SPIN1: variants seen among roughly 807,000 people sequenced by gnomAD.
The protein encoded by SPIN1 is spindlin-1.
Under a neutral mutation model 26.0 loss-of-function variants are expected in SPIN1, and 3 were observed. The ratio of observed to expected loss-of-function variants is 0.12; its 90% CI spans 0.05 to 0.30. The LOEUF (loss-of-function observed/expected upper bound fraction) is 0.30. SPIN1 is among the 10% of genes least tolerant of loss of function. SPIN1 has a pLI of 1.00. For missense variants in SPIN1, 126 were observed against 333.4 expected, an observed-to-expected ratio of 0.38 and a Z score of 4.84; for synonymous variants, 101 against 116.5, an observed-to-expected ratio of 0.87 and a Z score of 0.86.
intron 3 of SPIN1, among the ~76,000 whole-genome samples, chr9:88,453,373 T>C (rs9785311): frequency 0.33 from 49,930 of 152,040 alleles, 15,418 homozygotes; most frequent in African/African-American, 0.82. Flanking sequence ...AGCATCAATT[T>C]GGCACTTGGG....
chr9:88,460,032 C>T (rs952181467), intron 3 of SPIN1, among the ~76,000 whole-genome samples: 5 of 152,094 alleles, frequency 3.3e-5, no homozygotes, highest in East Asian at 1.9e-4. Flanking sequence ...CTTTAAAATT[C>T]GTTTATTTGA....
rs1446931485 is a variant in SPIN1, at chr9:88,395,310, C to A, written c.-159+6772C>A. ...TAAGCATATGTGTATATTTTTGTTT[C>A]CCTTTCCTACACAATAGGCAGCGTT... On this transcript the variant is annotated intron_variant, in intron 1 of 5. Transcript: ENST00000375859. 3.3e-5 allele frequency among the ~76,000 whole-genome samples: 5 copies of A among 151,644 alleles called. No individual in the cohort carries two copies. The Admixed American group carries it at 3.3e-4, about 10-fold the overall frequency.
At chr9:88,466,583 C>T (rs1020668786) in intron 4 of SPIN1, among the ~76,000 whole-genome samples, 17 of 152,006 alleles carry the variant, frequency 1.1e-4, no homozygotes, top group South Asian at 4.2e-4. Context: ...ATTATTACTG[C>T]GTACTTAAAA....
intron 4 of SPIN1, among the ~76,000 whole-genome samples, chr9:88,463,667 T>C (rs1156266768): frequency 1.3e-5 from 2 of 152,230 alleles, no homozygotes; most frequent in African/African-American, 4.8e-5. Flanking sequence ...TATTTTGTTT[T>C]ACTCTTCTCT....
At chr9:88,474,273 G>C (rs1828846980) in intron 5 of SPIN1, among the ~76,000 whole-genome samples, 1 of 152,144 alleles carries the variant, frequency 6.6e-6, no homozygotes, top group Admixed American at 6.5e-5. Context: ...TAATTGCCTA[G>C]CAAACCCCCT....
chr9:88,429,563 A>G (rs1461522408), intron 2 of SPIN1, among the ~76,000 whole-genome samples: 2 of 152,188 alleles, frequency 1.3e-5, no homozygotes, highest in East Asian at 3.8e-4. Flanking sequence ...GAACAGCCAG[A>G]TGGAAGAAGG....
chr9:88,396,236 C>T (rs1827054914), intron 1 of SPIN1, among the ~76,000 whole-genome samples: 1 of 149,606 alleles, frequency 6.7e-6, no homozygotes. Flanking sequence ...GAGACTCCAT[C>T]TCAAAAAAAA....
intron 1 of SPIN1, among the ~76,000 whole-genome samples, chr9:88,409,047 G>A (rs1459853682): frequency 6.6e-6 from 1 of 150,616 alleles, no homozygotes. Context: ...CCAGGCTGGA[G>A]TGCAATGGCG....
chr9:88,461,691 A>G lies in SPIN1; in HGVS notation c.102-805A>G, dbSNP rs540346995. On this transcript the variant is annotated intron_variant, in intron 3 of 5. Coordinates refer to ENST00000375859, the MANE Select transcript of SPIN1 (RefSeq NM_006717.3). ...TTCTTGGCGTATATCAGCATCTGTT[A>G]TCTTGGTTTTGACCTTCAGCTTGCA... Among the ~76,000 whole-genome samples, 12 of 152,256 alleles carry G rather than the reference A, an allele frequency of 7.9e-5. No homozygotes were observed. The South Asian group carries it at 1.9e-3, about 24-fold the overall frequency.
At chr9:88,418,431 T>C (rs1449423223) in intron 1 of SPIN1, among the ~76,000 whole-genome samples, 4 of 152,242 alleles carry the variant, frequency 2.6e-5, no homozygotes, top group Non-Finnish European at 5.9e-5. Flanking sequence ...GGTAACAGTT[T>C]TAAGACAACT....
chr9:88,441,414 T>TGTGTGTGCGTGTGTGTGTGTGTGTGTGC lies in SPIN1; in HGVS notation c.53-7526_53-7525insTGTGTGCGTGTGTGTGTGTGTGTGTGCG. Among the ~76,000 whole-genome samples the TGTGTGTGCGTGTGTGTGTGTGTGTGTGC allele has an allele frequency of 4.6e-4, 65 of 141,266 alleles. 1 individual carries two copies. Among genetic ancestry groups the TGTGTGTGCGTGTGTGTGTGTGTGTGTGC allele is most frequent in the African/African-American group, 1.7e-3 (59 of 34,388 alleles). The allele number at this position is 141,266 out of a possible 152,430, so 92.7% of individuals were successfully genotyped here. On this transcript the variant is annotated intron_variant, in intron 2 of 5. Coordinates refer to ENST00000375859, the MANE Select transcript of SPIN1 (RefSeq NM_006717.3). ...GCTGCCATTCGTGTGTGTGTGTGTG[T>TGTGTGTGCGTGTGTGTGTGTGTGTGTGC]GCGCGCGCGCGCGCCCATGTGTGTG...
intron 1 of SPIN1, among the ~76,000 whole-genome samples, chr9:88,394,915 T>C (rs556626927): frequency 4.6e-5 from 7 of 150,622 alleles, no homozygotes; most frequent in Admixed American, 2.0e-4. Context: ...GTTCACGCCA[T>C]TCTCCTGCCT....
Position 88,444,693 on chromosome 9 carries a change from T to TC in SPIN1, c.53-4248_53-4247insC, listed in dbSNP as rs542818128. Among the ~76,000 whole-genome samples the TC allele has an allele frequency of 7.5e-3, 1,004 of 133,828 alleles. 8 individuals are homozygous for TC. The highest frequency in any genetic ancestry group is 0.031 in the African/African-American group (932 of 29,940). 87.8% of individuals were successfully genotyped at this position (133,828 alleles called of 152,430 possible). On this transcript the variant is annotated intron_variant, in intron 2 of 5. Coordinates refer to ENST00000375859, the MANE Select transcript of SPIN1 (RefSeq NM_006717.3). The stretch of plus-strand genomic sequence containing the variant: ...ATGAATGGTTTACCTTTTCTTTTCT[T>TC]TTTTTTTTTTTTTTTGAGATGGAGT...
intron 1 of SPIN1, among the ~76,000 whole-genome samples, chr9:88,397,393 C>A (rs1188250237): frequency 6.6e-6 from 1 of 151,988 alleles, no homozygotes; most frequent in Non-Finnish European, 1.5e-5. Flanking sequence ...TTGTGTGGGG[C>A]CTCCTTCATT....
At chr9:88,451,114 A>T (rs773379149) in intron 3 of SPIN1, among the ~76,000 whole-genome samples, 1 of 151,074 alleles carries the variant, frequency 6.6e-6, no homozygotes, top group Non-Finnish European at 1.5e-5. Context: ...ACCAAATATA[A>T]AAAAAAAACA....
At chr9:88,457,447 G>A (rs563300639) in intron 3 of SPIN1, among the ~76,000 whole-genome samples, 3 of 152,050 alleles carry the variant, frequency 2.0e-5, no homozygotes, top group South Asian at 2.1e-4. Context: ...CGAGAATCAC[G>A]TGAACCTGGG....
chr9:88,467,712 C>T (rs1828698151), intron 4 of SPIN1, among the ~76,000 whole-genome samples: 2 of 151,988 alleles, frequency 1.3e-5, no homozygotes, highest in African/African-American at 4.8e-5. Flanking sequence ...TTAGATCACA[C>T]AATGTGGTAT....
chr9:88,475,047 C>A, intron 5 of SPIN1, 31 bp from the exon 6 acceptor site: 2 of 839,836 alleles, frequency 2.4e-6, no homozygotes, highest in Non-Finnish European at 3.2e-6. Context: ...CTCTCTCTCT[C>A]TTTTTTTTTT....
chr9:88,457,806 CAG>C (rs751303977), intron 3 of SPIN1: 55 of 974,974 alleles, frequency 5.6e-5, no homozygotes, highest in Non-Finnish European at 5.7e-5. Context: ...TCTAGAAAGA[CAG>C]AATATACATG....
Sources: allele counts gnomAD v4.1 joint callset (sites outside exome capture counted in the v4.1 genomes callset), GRCh38; gene constraint gnomAD v4.1.1; transcripts MANE v1.5; gene names NCBI Gene and HGNC (gene_info 2026-07-23, HGNC 2026-07-21).